IL18RAP: variants seen among roughly 807,000 people sequenced by gnomAD.
IL18RAP encodes the protein interleukin-18 receptor accessory protein.
IL18RAP carries 37 observed loss-of-function variants against 58.1 expected under a neutral mutation model. The observed-to-expected ratio is 0.64, with a 90% CI of 0.49 to 0.84. The LOEUF (loss-of-function observed/expected upper bound fraction) is 0.84, where lower values mean the gene tolerates loss of function less well. Among genes scored for constraint, IL18RAP ranks in the 40% least tolerant of loss-of-function variants. IL18RAP has a pLI of 0.00. For missense variants in IL18RAP, 667 were observed against 704.8 expected (o/e 0.95, Z 0.61); for synonymous variants, 268 against 257.5 (o/e 1.04, Z -0.39).
upstream of IL18RAP, chr2:102,423,087 TG>T: frequency 1.6e-6 from 1 of 617,444 alleles, no homozygotes; most frequent in South Asian, 2.0e-5. Context: ...AAGGCCGGTT[TG>T]GGTAGGACCT....
chr2:102,445,416 A>G lies in IL18RAP; in HGVS notation c.1072+76A>G, dbSNP rs1305067589. 7.9e-6 allele frequency: 11 copies of G among 1,398,896 alleles called. No individual in the cohort carries two copies. In the East Asian group the frequency reaches 2.1e-4, roughly 26 times the overall value. The allele number at this position is 1,398,896 out of a possible 1,614,324, so 86.7% of individuals were successfully genotyped here. A position where few individuals can be genotyped will look rare whatever the true frequency, so the allele number is the denominator to read the frequency against. ...GGGAGGAGTTTTCCTAAAGAATAGT[A>G]ATAATGATGACAGCGATTACATTTT... On this transcript the variant is annotated intron_variant, in intron 7 of 9. Transcript: ENST00000687160.
chr2:102,439,088 G>T (rs1157423050), intron 4 of IL18RAP: 2 of 152,188 alleles, frequency 1.3e-5, no homozygotes, highest in African/African-American at 4.8e-5. Flanking sequence ...CTTCTAATAC[G>T]TGTTAAAATT....
chr2:102,447,986 G>C (rs572634557), intron 8 of IL18RAP, among the ~76,000 whole-genome samples: 1 of 152,054 alleles, frequency 6.6e-6, no homozygotes, highest in Non-Finnish European at 1.5e-5. Context: ...CGTCCGCCTC[G>C]GCCTCCCAAA....
At chr2:102,436,720 TAA>T (rs1405219295) in intron 3 of IL18RAP, among the ~76,000 whole-genome samples, 3 of 152,130 alleles carry the variant, frequency 2.0e-5, no homozygotes, top group Non-Finnish European at 2.9e-5. Flanking sequence ...TCTGTTTATA[TAA>T]GTTTTTATTT....
At chr2:102,422,971 A>G (rs1265698265), upstream of IL18RAP, among the ~76,000 whole-genome samples, 1 of 152,212 alleles carries the variant, frequency 6.6e-6, no homozygotes, top group African/African-American at 2.4e-5. Flanking sequence ...AACACACTGC[A>G]TAGAGCCTAG....
intron 3 of IL18RAP, among the ~76,000 whole-genome samples, chr2:102,432,049 C>A (rs888159271): frequency 6.6e-6 from 1 of 152,088 alleles, no homozygotes; most frequent in East Asian, 1.9e-4. Context: ...ACAGCCACCT[C>A]TTTTGGTCTT....
chr2:102,447,291 C>T (rs150477613), intron 8 of IL18RAP, 84 bp downstream of exon 8: 5 of 1,456,990 alleles, frequency 3.4e-6, no homozygotes, highest in African/African-American at 1.4e-5. Flanking sequence ...CCATCACTAC[C>T]CCTTGGCTTT....
intron 9 of IL18RAP, among the ~76,000 whole-genome samples, chr2:102,451,333 T>A (rs1374397310): frequency 6.6e-6 from 1 of 152,180 alleles, no homozygotes; most frequent in African/African-American, 2.4e-5. Flanking sequence ...GCCCCTCTGA[T>A]TTCTGGGACT....
rs74413629 is a variant in IL18RAP, at chr2:102,431,583, C to T, written c.580-5629C>T. Among the ~76,000 whole-genome samples the T allele has an allele frequency of 1.4e-3, 209 of 151,998 alleles. 2 individuals are homozygous for T. The highest frequency in any genetic ancestry group is 4.7e-3 in the African/African-American group (197 of 41,480). Reference sequence around the variant, plus strand: ...GAAGGTGTCCCATAATTTCCATAAGCCTTTTCATTCTTTTTTCTTTTTGCT... The same window carrying T: ...GAAGGTGTCCCATAATTTCCATAAGTCTTTTCATTCTTTTTTCTTTTTGCT... On this transcript the variant is annotated intron_variant, in intron 3 of 9. Coordinates refer to ENST00000687160, the MANE Select transcript of IL18RAP (RefSeq NM_001393487.1).
At chr2:102,421,988 G>T (rs1387500857), upstream of IL18RAP, among the ~76,000 whole-genome samples, 4 of 151,622 alleles carry the variant, frequency 2.6e-5, no homozygotes, top group Non-Finnish European at 5.9e-5. Flanking sequence ...CCCTCGCAGT[G>T]GAATCCTACC....
chr2:102,439,571 A>G (rs1682972224), intron 4 of IL18RAP: 1 of 152,244 alleles, frequency 6.6e-6, no homozygotes, highest in Admixed American at 6.5e-5. Context: ...CTGTAAATAG[A>G]CCTAGCAGAG....
intron 7 of IL18RAP, among the ~76,000 whole-genome samples, chr2:102,445,871 T>A (rs1432957504): frequency 3.9e-5 from 6 of 152,184 alleles, no homozygotes; most frequent in Admixed American, 3.9e-4. Flanking sequence ...AGCGTTTAAA[T>A]TTCTTTGAAA....
chr2:102,427,919 C>T (rs1344432595), intron 3 of IL18RAP, among the ~76,000 whole-genome samples: 2 of 150,880 alleles, frequency 1.3e-5, no homozygotes, highest in Non-Finnish European at 3.0e-5. Context: ...TGTAGATAGC[C>T]GGTTTTCCTA....
intron 3 of IL18RAP, among the ~76,000 whole-genome samples, chr2:102,433,637 C>G (rs1006604178): frequency 1.3e-5 from 2 of 152,108 alleles, no homozygotes; most frequent in Non-Finnish European, 2.9e-5. Flanking sequence ...CCTCCACCTC[C>G]CAGGTTCAAG....
At chr2:102,424,456 T>C in intron 3 of IL18RAP, 42 bp downstream of exon 3, 1 of 1,533,072 alleles carries the variant, frequency 6.5e-7, no homozygotes. Flanking sequence ...AGCATTGTTT[T>C]TATGGTATCT....
chr2:102,430,860 A>G (rs563910334), intron 3 of IL18RAP, among the ~76,000 whole-genome samples: 10 of 152,190 alleles, frequency 6.6e-5, no homozygotes, highest in African/African-American at 2.4e-4. Flanking sequence ...TTGATGTCAA[A>G]TTTTACATTT....
upstream of IL18RAP, among the ~76,000 whole-genome samples, chr2:102,420,243 C>T (rs1010013821): frequency 2.0e-5 from 3 of 152,154 alleles, no homozygotes; most frequent in African/African-American, 7.2e-5. Context: ...TATGCTTATC[C>T]CTGAGCAGGG....
At chr2:102,421,366 A>G (rs3771155), upstream of IL18RAP, among the ~76,000 whole-genome samples, 81,399 of 152,082 alleles carry the variant, frequency 0.54, 23,642 homozygotes, top group African/African-American at 0.73. Context: ...ACGCTACAGC[A>G]TTTTGTCCAT....
At chr2:102,435,409 C>T (rs1264560122) in intron 3 of IL18RAP, 2 of 152,084 alleles carry the variant, frequency 1.3e-5, no homozygotes, top group East Asian at 1.9e-4. Context: ...AGATGAGTAG[C>T]ATATTTGGTG....
Sources: gnomAD v4.1 joint callset for allele counts (sites outside exome capture counted in the v4.1 genomes callset) on GRCh38, gnomAD v4.1.1 for gene constraint, MANE v1.5 for transcripts, NCBI Gene and HGNC (gene_info 2026-07-23, HGNC 2026-07-21) for gene names.